The following APBA1 variants were observed in gnomAD, a reference collection of about 807,000 sequenced individuals.
The protein encoded by APBA1 is amyloid beta precursor protein binding family A member 1, also known as amyloid-beta A4 precursor protein-binding family A member 1.
A neutral mutation model predicts 86.6 loss-of-function variants in APBA1; 55 were observed. The ratio of observed to expected loss-of-function variants is 0.64; its 90% CI spans 0.51 to 0.80. The LOEUF is 0.80. Ranked by LOEUF, APBA1 falls within the 30% of genes least tolerant of loss-of-function variation. The pLI, the probability that APBA1 is intolerant of heterozygous loss-of-function variation, is 0.00. For synonymous variants in APBA1, 511 were observed against 493.9 expected (o/e 1.03, Z -0.46); for missense variants, 1,090 against 1,183.0 (o/e 0.92, Z 1.15).
At chr9:69,555,493 T>C (rs1006255100) in intron 1 of APBA1, among the ~76,000 whole-genome samples, 5 of 152,232 alleles carry the variant, frequency 3.3e-5, no homozygotes, top group Non-Finnish European at 5.9e-5. Flanking sequence ...GTAATTTGTT[T>C]AATCATTGGC....
chr9:69,456,473 T>C, intron 7 of APBA1, 41 bp from the exon 8 acceptor site: 1 of 1,530,294 alleles, frequency 6.5e-7, no homozygotes, highest in Non-Finnish European at 8.8e-7. Context: ...CAGCTCAGCA[T>C]CTAATGACCT....
chr9:69,516,312 A>AGGT lies in APBA1; in HGVS notation c.896_898dup (p.Asp299_Leu300insHis), dbSNP rs1310461157. 18 of 1,586,744 alleles carry AGGT rather than the reference A, an allele frequency of 1.1e-5. No individual in the cohort carries two copies. Among genetic ancestry groups the AGGT allele is most frequent in the Non-Finnish European group, 1.4e-5 (17 of 1,172,770 alleles). ...CCCGGCCGGGGTAGGGGGACGCTCC[A>AGGT]GGTCCTGCTCGGCCTCAGGCATGTC... On this transcript the variant is annotated inframe_insertion, in exon 2 of 13. Transcript: ENST00000265381. This position sits in a 1 kb window ranked among gnomAD's most constrained non-coding sequence, Gnocchi z 7.3.
intron 1 of APBA1, among the ~76,000 whole-genome samples, chr9:69,596,433 G>C (rs893897237): frequency 1.3e-5 from 2 of 152,056 alleles, no homozygotes; most frequent in Non-Finnish European, 2.9e-5. Context: ...AAGTAACCAA[G>C]ACACAGGCTC....
intron 1 of APBA1, among the ~76,000 whole-genome samples, chr9:69,584,607 T>C (rs1821982775): frequency 6.6e-6 from 1 of 152,184 alleles, no homozygotes; most frequent in Admixed American, 6.5e-5. Flanking sequence ...AAAGATGAGC[T>C]GATACACTTA....
At chr9:69,475,974 T>C (rs1835438001) in intron 3 of APBA1, 74 bp downstream of exon 3, 1 of 1,216,512 alleles carries the variant, frequency 8.2e-7, no homozygotes, top group African/African-American at 1.5e-5. Context: ...TAGGATGCTG[T>C]ATTAGGAAGC....
At chr9:69,441,256 G>A (rs1479814423) in intron 10 of APBA1, 141 bp from the exon 11 acceptor site, 2 of 1,014,522 alleles carry the variant, frequency 2.0e-6, no homozygotes. Flanking sequence ...GGCCTCTGGT[G>A]CCTGGGCTGG....
intron 8 of APBA1, among the ~76,000 whole-genome samples, chr9:69,453,295 CAG>C (rs1835043047): frequency 6.6e-6 from 1 of 152,162 alleles, no homozygotes; most frequent in Non-Finnish European, 1.5e-5. Flanking sequence ...TTGGGTCTAA[CAG>C]AGTTGAGAAC....
chr9:69,652,233 CT>C (rs1156994742), intron 1 of APBA1, among the ~76,000 whole-genome samples: 2 of 152,160 alleles, frequency 1.3e-5, no homozygotes, highest in Non-Finnish European at 2.9e-5. Context: ...CCTCAACAGA[CT>C]AATATACCAG....
intron 7 of APBA1, 135 bp from the exon 8 acceptor site, chr9:69,456,567 G>A: frequency 1.1e-6 from 1 of 915,948 alleles, no homozygotes. Context: ...AGCCCATGCT[G>A]AGGGATCAAC....
At chr9:69,567,309 G>A (rs939970575) in intron 1 of APBA1, among the ~76,000 whole-genome samples, 2 of 152,030 alleles carry the variant, frequency 1.3e-5, no homozygotes, top group East Asian at 1.9e-4. Context: ...GGATGGGAGA[G>A]GTTCTTCAAA....
chr9:69,456,759 G>T (rs1835105348), intron 7 of APBA1, among the ~76,000 whole-genome samples: 2 of 151,586 alleles, frequency 1.3e-5, no homozygotes, highest in African/African-American at 2.4e-5. Flanking sequence ...GAATGTAAGA[G>T]ATTTTAAATA....
At chr9:69,491,720 G>A (rs1355708434) in intron 2 of APBA1, among the ~76,000 whole-genome samples, 2 of 151,586 alleles carry the variant, frequency 1.3e-5, no homozygotes, top group Non-Finnish European at 2.9e-5. Flanking sequence ...TGCAATTCCA[G>A]GGAACACAGT....
At chr9:69,650,354 T>C (rs938499014) in intron 1 of APBA1, among the ~76,000 whole-genome samples, 5 of 152,236 alleles carry the variant, frequency 3.3e-5, no homozygotes, top group African/African-American at 7.2e-5. Context: ...TATTGTTACT[T>C]GGTGTTTTAA....
intron 1 of APBA1, among the ~76,000 whole-genome samples, chr9:69,566,318 C>T (rs959664442): frequency 1.3e-5 from 2 of 152,184 alleles, no homozygotes; most frequent in East Asian, 1.9e-4. Flanking sequence ...CCCTTCACCA[C>T]GCTGACCATC....
intron 1 of APBA1, among the ~76,000 whole-genome samples, chr9:69,608,945 T>G (rs1219301511): frequency 2.0e-5 from 3 of 152,254 alleles, no homozygotes; most frequent in African/African-American, 7.2e-5. Context: ...TTATCTCATA[T>G]TATGTGTAAG....
intron 5 of APBA1, chr9:69,460,941 G>A (rs1325042259): frequency 6.6e-6 from 1 of 152,188 alleles, no homozygotes; most frequent in Non-Finnish European, 1.5e-5. Flanking sequence ...ATGTTGACCA[G>A]GCTGATTTCA....
rs1265032786 is a variant in APBA1, at chr9:69,604,639, GGCACACAT to G, written c.-70+67506_-70+67513del. The stretch of plus-strand genomic sequence containing the variant: ...GTAAGTGGAGAGGCACATGAGTGCG[GGCACACAT>G]GCACACATGAGGGTAAGAGGAGAGG... On this transcript the variant is annotated intron_variant, in intron 1 of 12. Transcript: ENST00000265381. 5.0e-5 allele frequency among the ~76,000 whole-genome samples: 7 copies of G among 139,404 alleles called. No individual in the cohort carries two copies. The Admixed American group carries it at 5.2e-4, about 10-fold the overall frequency. 91.5% of individuals were successfully genotyped at this position (139,404 alleles called of 152,430 possible). A position where few individuals can be genotyped will look rare whatever the true frequency, so the allele number is the denominator to read the frequency against.
In APBA1 at chr9:69,516,279, G is replaced by A. The variant is rs767378055; in HGVS notation, c.932C>T (p.Pro311Leu). 13 of 1,476,534 alleles carry A rather than the reference G, an allele frequency of 8.8e-6. No individual in the cohort carries two copies. In the South Asian group the frequency reaches 1.5e-4, roughly 17 times the overall value. The allele number at this position is 1,476,534 out of a possible 1,614,324, so 91.5% of individuals were successfully genotyped here. The stretch of plus-strand genomic sequence containing the variant: ...CGGCGCCTGCAGCCCGGGGCTGTCG[G>A]GGCGACCCCCGGCCGGGGTAGGGGG... ...ERPPTPAGGR[P>L]DSPGLQAPAG... The change falls in exon 2 of 13, where the codon CCC becomes CTC. Residue 311 changes from proline (P) to leucine (L), a missense_variant. Physicochemically the swap from Pro to Leu is moderately conservative, Grantham distance 98 (BLOSUM62 -3). Coordinates refer to ENST00000265381, the MANE Select transcript of APBA1 (RefSeq NM_001163.4). The surrounding 1 kb of genome is among the most constrained non-coding windows in gnomAD (Gnocchi z 7.3).
At chr9:69,588,396 A>AT (rs574898152) in intron 1 of APBA1, among the ~76,000 whole-genome samples, 20 of 148,802 alleles carry the variant, frequency 1.3e-4, no homozygotes, top group South Asian at 8.6e-4. Context: ...CAAGTTCATG[A>AT]TTTTTTTTTT....
Sources: gnomAD v4.1 joint callset for allele counts (sites outside exome capture counted in the v4.1 genomes callset) on GRCh38, gnomAD v4.1.1 for gene constraint, Gnocchi (gnomAD v3.1) non-coding constraint, MANE v1.5 for transcripts, NCBI Gene and HGNC (gene_info 2026-07-23, HGNC 2026-07-21) for gene names.